AP3D1: variants seen among roughly 807,000 people sequenced by gnomAD.
The protein encoded by AP3D1 is adaptor related protein complex 3 subunit delta 1, also known as AP-3 complex subunit delta-1.
In AP3D1, 51 loss-of-function variants were observed where a neutral mutation model predicts 147.6. That is an observed-to-expected ratio of 0.35 (90% CI 0.28 to 0.44). AP3D1 has a LOEUF of 0.44. Among genes scored for constraint, AP3D1 ranks in the 20% least tolerant of loss-of-function variants. The probability of loss-of-function intolerance (pLI) is 1.00; values close to 1 mark genes in which losing one functional copy is unlikely to be tolerated. For synonymous variants in AP3D1, 760 were observed against 663.0 expected (o/e 1.15, Z -2.25); for missense variants, 1,421 against 1,624.2 (o/e 0.87, Z 2.15).
In AP3D1 at chr19:2,117,288, G is replaced by A. The variant is rs781193080; in HGVS notation, c.1793C>T (p.Ala598Val). The A allele has an allele frequency of 3.7e-6, 6 of 1,612,678 alleles. No individual in the cohort carries two copies. The South Asian group carries it at 5.5e-5, about 15-fold the overall frequency. The change falls in exon 16 of 32, where the codon GCT becomes GTT. Residue 598 changes from alanine (A) to valine (V), a missense_variant. Ala to Val is a moderately conservative substitution (Grantham distance 64). Around this residue, in one of 6 missense-constraint regions of AP3D1, gnomAD observed 310 missense variants for 388.1 expected, o/e 0.80. Coordinates refer to ENST00000643116, the MANE Select transcript of AP3D1 (RefSeq NM_001261826.3). Reference protein sequence around the residue: ...KDVPVAEEVSALFAGELNPVA... With the variant: ...KDVPVAEEVSVLFAGELNPVA... ...TGGGTTCAGCTCCCCAGCAAAGAGAGCGCTGACCTCCTCTGCCACAGGCAC... is the reference window on the plus strand; with the variant it reads ...TGGGTTCAGCTCCCCAGCAAAGAGAACGCTGACCTCCTCTGCCACAGGCAC...
intron 1 of AP3D1, among the ~76,000 whole-genome samples, chr19:2,143,651 C>T (rs562512617): frequency 2.6e-5 from 4 of 152,106 alleles, no homozygotes; most frequent in Admixed American, 2.0e-4. Flanking sequence ...CGTGTAGTCA[C>T]AGCTACTTGC....
chr19:2,158,015 C>T (rs750622339), intron 1 of AP3D1, among the ~76,000 whole-genome samples: 1 of 152,070 alleles, frequency 6.6e-6, no homozygotes, highest in Non-Finnish European at 1.5e-5. Context: ...TTGTACCCCA[C>T]ATGTGCTCTT....
chr19:2,108,714 G>A lies in AP3D1; in HGVS notation c.3525C>T (p.Gly1175=). ...CASMYSRSIQ[G]HHVCLLVKKG... is the part of the protein sequence containing the mutation. ...TTTTCACCAGGAGGCAGACATGGTG[G>A]CCCTGGATGGAGCGGCTGTACATGG... is the stretch of plus-strand genomic sequence containing the variant. Residue 1175 remains glycine, a synonymous_variant, in exon 31 of 32, where the codon GGC becomes GGT. Transcript: ENST00000643116. 1 of 1,583,864 alleles carries A rather than the reference G, an allele frequency of 6.3e-7. No individual in the cohort carries two copies. The highest frequency in any genetic ancestry group is 8.6e-7 in the Non-Finnish European group (1 of 1,165,378).
intron 18 of AP3D1, 112 bp downstream of exon 18, chr19:2,116,095 G>T: frequency 9.4e-7 from 1 of 1,059,936 alleles, no homozygotes; most frequent in African/African-American, 1.6e-5. Flanking sequence ...TGTGGCCCCA[G>T]CTCCATTCCC....
intron 1 of AP3D1, among the ~76,000 whole-genome samples, chr19:2,163,071 TA>T (rs2019758328): frequency 6.6e-6 from 1 of 152,052 alleles, no homozygotes; most frequent in Non-Finnish European, 1.5e-5. Flanking sequence ...ATTAATTAAT[TA>T]ATTAATTAAT....
upstream of AP3D1, among the ~76,000 whole-genome samples, chr19:2,155,790 C>T (rs1056628315): frequency 7.9e-5 from 12 of 152,052 alleles, no homozygotes; most frequent in Non-Finnish European, 1.6e-4. Context: ...CGGTGGCTCA[C>T]GGCTGACATG....
At chr19:2,130,668 G>A (rs2145113773) in intron 5 of AP3D1, 131 bp from the exon 6 acceptor site, 1 of 1,389,438 alleles carries the variant, frequency 7.2e-7, no homozygotes, top group Non-Finnish European at 9.9e-7. Flanking sequence ...CCAGTCCCAG[G>A]GGCCACAGAC....
At chr19:2,143,186 TC>T (rs2019266139) in intron 1 of AP3D1, among the ~76,000 whole-genome samples, 1 of 149,720 alleles carries the variant, frequency 6.7e-6, no homozygotes. Context: ...GCCTCAGCTT[TC>T]CAAGCAGCTA....
intron 11 of AP3D1, among the ~76,000 whole-genome samples, chr19:2,122,881 C>A (rs1207862144): frequency 6.6e-6 from 1 of 152,234 alleles, no homozygotes; most frequent in African/African-American, 2.4e-5. Context: ...AGGTACCAGG[C>A]AGGGGCCGCT....
chr19:2,158,232 A>C (rs1196001010), intron 1 of AP3D1, among the ~76,000 whole-genome samples: 1 of 151,418 alleles, frequency 6.6e-6, no homozygotes, highest in African/African-American at 2.4e-5. Flanking sequence ...ATTTTTTCGT[A>C]TTTTTAGTAG....
chr19:2,109,789 T>C (rs1599441237), intron 29 of AP3D1, 84 bp downstream of exon 29: 2 of 1,329,500 alleles, frequency 1.5e-6, no homozygotes, highest in East Asian at 2.3e-5. Context: ...CCCAGAAGCC[T>C]CAGTCCCCGG....
chr19:2,149,469 G>T (rs973699513), intron 1 of AP3D1, among the ~76,000 whole-genome samples: 1 of 151,870 alleles, frequency 6.6e-6, no homozygotes, highest in African/African-American at 2.4e-5. Flanking sequence ...CTTGAACCTG[G>T]GAGGTGAAGG....
chr19:2,108,555 C>G, intron 31 of AP3D1, 132 bp downstream of exon 31: 10 of 775,378 alleles, frequency 1.3e-5, no homozygotes, highest in Non-Finnish European at 2.1e-5. Flanking sequence ...GTGAGGGGCT[C>G]ATGGCAGCAG....
upstream of AP3D1, among the ~76,000 whole-genome samples, chr19:2,154,179 C>T (rs2019626721): frequency 6.6e-6 from 1 of 152,010 alleles, no homozygotes; most frequent in African/African-American, 2.4e-5. Flanking sequence ...AACTACTGAC[C>T]TCAGGTGATC....
Position 2,111,746 on chromosome 19 carries a change from G to C in AP3D1, c.2870C>G (p.Pro957Arg). 6.2e-7 allele frequency: 1 copy of C among 1,609,954 alleles called. No homozygotes were observed. Residue 957 changes from proline (P) to arginine (R), a missense_variant, in exon 25 of 32, where the codon CCT becomes CGT. Transcript: ENST00000643116. ...CCCCGCTGCCTCCTCGCTGCCTGGA[G>C]GCTGCTTCTTGGACTTCTTCTTGCC... is the stretch of plus-strand genomic sequence containing the variant. ...TKGKKKSKKQ[P>R]PGSEEAAGEP...
In AP3D1 at chr19:2,148,166, A is replaced by G. The variant is rs980734922; in HGVS notation, c.96+3073T>C. Among the ~76,000 whole-genome samples, 58 of 151,992 alleles carry G rather than the reference A, an allele frequency of 3.8e-4. 1 individual carries two copies. On this transcript the variant is annotated intron_variant, in intron 1 of 31. Transcript: ENST00000643116. The stretch of plus-strand genomic sequence containing the variant: ...CGTCTCAAAAAAAAAAAAAAAAAGA[A>G]AAAGAAAAAATGGAGAAAACTTTCC...
chr19:2,161,327 A>C (rs1285102825), intron 1 of AP3D1, among the ~76,000 whole-genome samples: 1 of 151,588 alleles, frequency 6.6e-6, no homozygotes, highest in African/African-American at 2.4e-5. Flanking sequence ...ATGCCTGGCT[A>C]ATTTTTGCAC....
rs1411221680 is a variant in AP3D1, at chr19:2,107,215, G to A, written c.3552+1472C>T. Among the ~76,000 whole-genome samples the A allele has an allele frequency of 4.0e-5, 6 of 151,396 alleles. No homozygotes were observed. In the East Asian group the frequency reaches 9.8e-4, roughly 25 times the overall value. On this transcript the variant is annotated intron_variant, in intron 31 of 31. Transcript: ENST00000643116. ...GCGGAGCTTGCAGTGAGCCGAGACC[G>A]CGCCACTGCAGTCCAGCCTGGGCGA...
intron 30 of AP3D1, 87 bp downstream of exon 30, chr19:2,108,999 G>A: frequency 6.4e-7 from 1 of 1,569,064 alleles, no homozygotes; most frequent in Non-Finnish European, 8.6e-7. Context: ...TTGGGTGGGA[G>A]GGCCACAGGC....
Sources: allele counts gnomAD v4.1 joint callset (sites outside exome capture counted in the v4.1 genomes callset), GRCh38; gene constraint gnomAD v4.1.1; regional missense constraint gnomAD v4.1.1; transcripts MANE v1.5; gene names NCBI Gene and HGNC (gene_info 2026-07-23, HGNC 2026-07-21).